PDP1: variants seen among roughly 807,000 people sequenced by gnomAD.
The protein encoded by PDP1 is pyruvate dehyrogenase phosphatase catalytic subunit 1.
A neutral mutation model predicts 37.1 loss-of-function variants in PDP1; 14 were observed. That is an observed-to-expected ratio of 0.38 (90% confidence interval 0.25 to 0.59). The LOEUF (loss-of-function observed/expected upper bound fraction) is 0.59. PDP1 is among the 20% of genes least tolerant of loss of function. The pLI is 0.67. For missense variants in PDP1, 544 were observed against 655.3 expected (o/e 0.83, Z 1.85); for synonymous variants, 251 against 243.3 (o/e 1.03, Z -0.29).
At chr8:93,920,527 A>AT (rs1043440847) in intron 1 of PDP1, 36 of 942,226 alleles carry the variant, frequency 3.8e-5, no homozygotes, top group Middle Eastern at 5.4e-4. Context: ...AAGAAGAGGG[A>AT]TTTTTTTTCT....
chr8:93,919,201 A>C (rs1810181618), intron 1 of PDP1: 2 of 810,000 alleles, frequency 2.5e-6, no homozygotes, highest in Non-Finnish European at 3.0e-6. Context: ...ACTAGATTTC[A>C]TTCATTTTGC....
Position 93,924,828 on chromosome 8 carries a change from A to G in PDP1, c.*1155A>G, listed in dbSNP as rs956766852. 6.0e-6 allele frequency: 1 copy of G among 167,120 alleles called. No individual in the cohort carries two copies. The highest frequency in any genetic ancestry group is 2.4e-5 in the African/African-American group (1 of 41,474). 10.4% of individuals were successfully genotyped at this position (167,120 alleles called of 1,614,324 possible). ...ACATGAGAAACTTTAAAAGGTAACTACTGTGCATGCCTGATGCTTAATAGA... is the reference window on the plus strand; with the variant it reads ...ACATGAGAAACTTTAAAAGGTAACTGCTGTGCATGCCTGATGCTTAATAGA... On this transcript the variant is annotated 3_prime_UTR_variant, in exon 2 of 2. Coordinates refer to ENST00000297598, the MANE Select transcript of PDP1 (RefSeq NM_018444.4).
chr8:93,921,466 G>C, intron 1 of PDP1: 9 of 349,842 alleles, frequency 2.6e-5, no homozygotes, highest in Non-Finnish European at 3.6e-5. Flanking sequence ...TGTATATGAT[G>C]TACACGTAAT....
chr8:93,922,511 G>A lies in PDP1; in HGVS notation c.452G>A (p.Cys151Tyr). The A allele has an allele frequency of 1.2e-6, 2 of 1,613,990 alleles. No individual in the cohort carries two copies. The highest frequency in any genetic ancestry group is 1.7e-6 in the Non-Finnish European group (2 of 1,180,048). ...GVFDGHAGCA[C>Y]SQAVSERLFY... ...TTTGATGGCCATGCAGGTTGTGCTT[G>A]TTCCCAGGCAGTCAGTGAAAGACTC... Residue 151 changes from cysteine to tyrosine, a missense_variant, in exon 2 of 2, where the codon TGT becomes TAT. Coordinates refer to ENST00000297598, the MANE Select transcript of PDP1 (RefSeq NM_018444.4). This position sits in a 1 kb window ranked among gnomAD's most constrained non-coding sequence, Gnocchi z 4.0.
rs755698784 is a variant in PDP1 at position 93,922,365 on chromosome 8, C to T, written c.306C>T (p.Asp102=). ...NEYSFKVPEF[D]GKNVSSILGF... is the part of the protein sequence containing the mutation. The stretch of plus-strand genomic sequence containing the variant: ...ACAGTTTCAAAGTGCCAGAATTTGA[C>T]GGCAAAAATGTCAGTTCTATCCTTG... Residue 102 remains aspartate (D), a synonymous_variant, in exon 2 of 2, where the codon GAC becomes GAT. Transcript: ENST00000297598. This position sits in a 1 kb window ranked among gnomAD's most constrained non-coding sequence, Gnocchi z 4.0. 8.2e-5 allele frequency: 133 copies of T among 1,614,134 alleles called. No homozygotes were observed. In the East Asian group the frequency reaches 9.6e-4, roughly 12 times the overall value.
chr8:93,917,994 A>G (rs1417825651), intron 1 of PDP1: 2 of 1,609,336 alleles, frequency 1.2e-6, no homozygotes, highest in East Asian at 2.2e-5. Flanking sequence ...AAGGATGGTG[A>G]CAGATTTTTG....
At chr8:93,920,188 T>C (rs1810225609) in intron 1 of PDP1, among the ~76,000 whole-genome samples, 1 of 152,212 alleles carries the variant, frequency 6.6e-6, no homozygotes, top group African/African-American at 2.4e-5. Flanking sequence ...GTGGCTGGCT[T>C]ATGCAGTGCT....
Position 93,925,321 on chromosome 8 carries a change from GT to G in PDP1, c.*1661del, listed in dbSNP as rs60316663. 0.045 allele frequency: 6,665 copies of G among 149,708 alleles called. 280 individuals carry two copies. Among genetic ancestry groups the G allele is most frequent in the African/African-American group, 0.12 (4,587 of 38,734 alleles). 9.3% of individuals were successfully genotyped at this position (149,708 alleles called of 1,614,324 possible). On this transcript the variant is annotated 3_prime_UTR_variant, in exon 2 of 2. Transcript: ENST00000297598. ...GAGGTGTTTTTGTTTTTATTTGTGT[GT>G]TTTTTTTTTTTTAAGTCAGCTTGGA... is the stretch of plus-strand genomic sequence containing the variant.
At position 93,923,786 on chromosome 8, in the gene PDP1, T is replaced by C; in HGVS notation, c.*113T>C. 1.1e-6 allele frequency: 1 copy of C among 923,770 alleles called. No homozygotes were observed. The allele number at this position is 923,770 out of a possible 1,614,324, so 57.2% of individuals were successfully genotyped here. A position where few individuals can be genotyped will look rare whatever the true frequency, so the allele number is the denominator to read the frequency against. On this transcript the variant is annotated 3_prime_UTR_variant, in exon 2 of 2. Transcript: ENST00000297598. The surrounding 1 kb of genome is among the most constrained non-coding windows in gnomAD (Gnocchi z 4.3). ...AGTTGGTCATTCTAAGCATTTACCC[T>C]TTTGATACTCTAGCTAGTCAGGTAC...
In PDP1 at chr8:93,924,397, T is replaced by A. The variant is rs1208160199; in HGVS notation, c.*724T>A. The A allele has an allele frequency of 6.0e-6, 1 of 167,030 alleles. No homozygotes were observed. Among genetic ancestry groups the A allele is most frequent in the Non-Finnish European group, 1.5e-5 (1 of 68,128 alleles). The allele number at this position is 167,030 out of a possible 1,614,324, so 10.3% of individuals were successfully genotyped here. Reference sequence around the variant, plus strand: ...TTAAAGAAAGAAAAAAAGATTTTTTTATTTGTATTAATGAAAAGCTTTAGT... The same window carrying A: ...TTAAAGAAAGAAAAAAAGATTTTTTAATTTGTATTAATGAAAAGCTTTAGT... On this transcript the variant is annotated 3_prime_UTR_variant, in exon 2 of 2. Transcript: ENST00000297598.
Position 93,923,460 on chromosome 8 carries a change from C to G in PDP1, c.1401C>G (p.Thr467=). 6.3e-7 allele frequency: 1 copy of G among 1,597,130 alleles called. No individual in the cohort carries two copies. The highest frequency in any genetic ancestry group is 1.1e-5 in the South Asian group (1 of 89,350). The change falls in exon 2 of 2, where the codon ACC becomes ACG. Residue 467 remains threonine, a synonymous_variant. Coordinates refer to ENST00000297598, the MANE Select transcript of PDP1 (RefSeq NM_018444.4). This position sits in a 1 kb window ranked among gnomAD's most constrained non-coding sequence, Gnocchi z 4.3. ...ATGGCCTTTTAACAGAAAGGAGAAC[C>G]AAAATGTCCTCGGTATTTGAGGATC... ...QMHGLLTERR[T]KMSSVFEDQN... is the part of the protein sequence containing the mutation.
intron 1 of PDP1, among the ~76,000 whole-genome samples, chr8:93,919,563 T>C (rs1469988400): frequency 7.0e-6 from 1 of 143,052 alleles, no homozygotes; most frequent in Non-Finnish European, 1.5e-5. Flanking sequence ...CCAGGACTTG[T>C]TATTCCTTAA....
At chr8:93,918,427 T>C (rs1388666433) in intron 1 of PDP1, among the ~76,000 whole-genome samples, 1 of 152,204 alleles carries the variant, frequency 6.6e-6, no homozygotes, top group African/African-American at 2.4e-5. Context: ...CGTGGGTCTA[T>C]TGATGGAGTG....
At chr8:93,919,500 C>CA (rs1402992699) in intron 1 of PDP1, among the ~76,000 whole-genome samples, 1 of 134,044 alleles carries the variant, frequency 7.5e-6, no homozygotes, top group Admixed American at 7.6e-5. Context: ...CCTCCCTCCC[C>CA]CCCCCCGGCA....
rs148348306 is a variant in PDP1 at position 93,923,301 on chromosome 8, G to A, written c.1242G>A (p.Val414=). Residue 414 remains valine (V), a synonymous_variant, in exon 2 of 2, where the codon GTG becomes GTA. Transcript: ENST00000297598. The surrounding 1 kb of genome is among the most constrained non-coding windows in gnomAD (Gnocchi z 4.3). Reference sequence around the variant, plus strand: ...TAAGGCCACAGGATAAGTTTCTGGTGTTGGCTACTGATGGGTTGTGGGAGA... The same window carrying A: ...TAAGGCCACAGGATAAGTTTCTGGTATTGGCTACTGATGGGTTGTGGGAGA... ...HRLRPQDKFL[V]LATDGLWETM... 77 of 1,614,060 alleles carry A rather than the reference G, an allele frequency of 4.8e-5. No homozygotes were observed. Among genetic ancestry groups the A allele is most frequent in the Non-Finnish European group, 6.5e-5 (77 of 1,180,030 alleles).
rs757292942 is a variant in PDP1 at position 93,922,856 on chromosome 8, G to A, written c.797G>A (p.Arg266Gln). 2.5e-6 allele frequency: 4 copies of A among 1,614,048 alleles called. No homozygotes were observed. Among genetic ancestry groups the A allele is most frequent in the Non-Finnish European group, 3.4e-6 (4 of 1,180,038 alleles). The change falls in exon 2 of 2, where the codon CGA becomes CAA. Residue 266 changes from arginine to glutamine, a missense_variant. By Grantham distance (43) the Arg-to-Gln change is conservative. Around this residue, in one of 5 missense-constraint regions of PDP1, gnomAD observed 342 missense variants for 414.0 expected, o/e 0.83. Coordinates refer to ENST00000297598, the MANE Select transcript of PDP1 (RefSeq NM_018444.4). The surrounding 1 kb of genome is among the most constrained non-coding windows in gnomAD (Gnocchi z 4.0). The stretch of plus-strand genomic sequence containing the variant: ...TCTTTTCTCAACTACCTGGTGCTTC[G>A]AGTGGCATTTTCTGGAGCCACTGCT... ...PNSFLNYLVL[R>Q]VAFSGATACV...
At chr8:93,921,493 G>A in intron 1 of PDP1, 1 of 289,830 alleles carries the variant, frequency 3.5e-6, no homozygotes, top group Non-Finnish European at 5.2e-6. Context: ...ATACACATAT[G>A]TTTGGCTGCC....
intron 1 of PDP1, among the ~76,000 whole-genome samples, chr8:93,919,650 G>A (rs1480419944): frequency 1.5e-5 from 2 of 137,644 alleles, no homozygotes; most frequent in African/African-American, 2.8e-5. Flanking sequence ...GTCAGTTTAC[G>A]TTCCATACAG....
chr8:93,918,083 T>C (rs1810142760), intron 1 of PDP1: 1 of 931,578 alleles, frequency 1.1e-6, no homozygotes, highest in African/African-American at 1.6e-5. Context: ...GCGTCTTGGA[T>C]TGAGATAGCT....
Sources: gnomAD v4.1 joint callset for allele counts (sites outside exome capture counted in the v4.1 genomes callset) on GRCh38, gnomAD v4.1.1 for gene constraint, gnomAD v4.1.1 regional missense constraint, Gnocchi (gnomAD v3.1) non-coding constraint, MANE v1.5 for transcripts, NCBI Gene and HGNC (gene_info 2026-07-23, HGNC 2026-07-21) for gene names.